The following FAF1 variants were observed in gnomAD, a reference collection of about 807,000 sequenced individuals.
FAF1 encodes the protein FAS-associated factor 1.
FAF1 carries 25 observed loss-of-function variants against 92.5 expected under a neutral mutation model. The observed-to-expected ratio is 0.27, with a 90% CI of 0.20 to 0.38. The LOEUF (loss-of-function observed/expected upper bound fraction) is 0.38, where lower values mean the gene tolerates loss of function less well. FAF1 is among the 10% of genes least tolerant of loss of function. The pLI is 1.00. For synonymous variants in FAF1, 234 were observed against 273.2 expected, an observed-to-expected ratio of 0.86 and a Z score of 1.42; for missense variants, 636 against 793.3, an observed-to-expected ratio of 0.80 and a Z score of 2.38.
chr1:50,614,264 G>T (rs1288634934), intron 8 of FAF1, among the ~76,000 whole-genome samples: 1 of 152,082 alleles, frequency 6.6e-6, no homozygotes, highest in Non-Finnish European at 1.5e-5. Flanking sequence ...ACTTATTTAC[G>T]TCAATGCCAC....
At chr1:50,773,568 C>T (rs1660846299) in intron 4 of FAF1, among the ~76,000 whole-genome samples, 1 of 152,100 alleles carries the variant, frequency 6.6e-6, no homozygotes, top group Admixed American at 6.5e-5. Flanking sequence ...TGAAATAAGA[C>T]AGGCACAGAA....
At chr1:50,741,951 G>T (rs763388330) in intron 5 of FAF1, among the ~76,000 whole-genome samples, 1 of 152,042 alleles carries the variant, frequency 6.6e-6, no homozygotes, top group Non-Finnish European at 1.5e-5. Context: ...ATATAAATTC[G>T]GAGGCAATCA....
chr1:50,801,627 A>G lies in FAF1; in HGVS notation c.161+4T>C, dbSNP rs921380110. ...TCTTAACTGGTAAGCACTTTATAAC[A>G]TACCTTTGTAGAATGCCATTTTCCT... On this transcript the variant is annotated splice_donor_region_variant and intron_variant, in intron 3 of 18. Coordinates refer to ENST00000396153, the MANE Select transcript of FAF1 (RefSeq NM_007051.3). 6.5e-7 allele frequency: 1 copy of G among 1,535,348 alleles called. No individual in the cohort carries two copies. Among genetic ancestry groups the G allele is most frequent in the Admixed American group, 1.7e-5 (1 of 59,896 alleles).
At chr1:50,860,276 G>C (rs1570063928) in intron 1 of FAF1, among the ~76,000 whole-genome samples, 1 of 152,016 alleles carries the variant, frequency 6.6e-6, no homozygotes, top group East Asian at 1.9e-4. Context: ...ATACTAAAGA[G>C]CTTCTGCACA....
At position 50,492,953 on chromosome 1, in the gene FAF1, T is replaced by A. The variant is rs375367365; in HGVS notation, c.1495-1152A>T. On this transcript the variant is annotated intron_variant, in intron 15 of 18. Coordinates refer to ENST00000396153, the MANE Select transcript of FAF1 (RefSeq NM_007051.3). The stretch of plus-strand genomic sequence containing the variant: ...TTAGATGTTGCTGGCCTGAAGGTAA[T>A]TGTTATACTACAAAATATGAAAAAT... Among the ~76,000 whole-genome samples, 26 of 152,304 alleles carry A rather than the reference T, an allele frequency of 1.7e-4. No individual in the cohort carries two copies. The South Asian group carries it at 4.3e-3, about 25-fold the overall frequency.
At chr1:50,638,709 G>A (rs1365061593) in intron 8 of FAF1, among the ~76,000 whole-genome samples, 1 of 152,100 alleles carries the variant, frequency 6.6e-6, no homozygotes, top group African/African-American at 2.4e-5. Flanking sequence ...TTCCCAAAGT[G>A]CTGGGATTAC....
intron 17 of FAF1, among the ~76,000 whole-genome samples, chr1:50,489,005 T>G (rs1395249557): frequency 6.6e-6 from 1 of 152,240 alleles, no homozygotes; most frequent in Non-Finnish European, 1.5e-5. Context: ...CAGTTAAGTT[T>G]CACTTATCTT....
Position 50,550,651 on chromosome 1 carries a change from C to G in FAF1, c.1269-10923G>C, listed in dbSNP as rs186755846. On this transcript the variant is annotated intron_variant, in intron 13 of 18. Transcript: ENST00000396153. The stretch of plus-strand genomic sequence containing the variant: ...GTATTTAAGGACCACATCACCTAAA[C>G]TCCCTAAAGAATTATCATTACTGAA... 3.6e-4 allele frequency among the ~76,000 whole-genome samples: 55 copies of G among 152,252 alleles called. 1 individual carries two copies. In the East Asian group the frequency reaches 6.9e-3, roughly 19 times the overall value.
chr1:50,872,931 C>T (rs1644540799), intron 1 of FAF1, among the ~76,000 whole-genome samples: 1 of 151,864 alleles, frequency 6.6e-6, no homozygotes, highest in African/African-American at 2.4e-5. Context: ...TCAAACAGCA[C>T]TGCATGCTAC....
chr1:50,819,869 T>G, intron 2 of FAF1, among the ~76,000 whole-genome samples: 1 of 144,748 alleles, frequency 6.9e-6, no homozygotes, highest in East Asian at 2.0e-4. Flanking sequence ...ACTAGGAAAT[T>G]TATTTATTTA....
intron 12 of FAF1, among the ~76,000 whole-genome samples, chr1:50,580,361 G>T (rs558653279): frequency 4.1e-4 from 62 of 151,782 alleles, no homozygotes; most frequent in African/African-American, 1.3e-3. Flanking sequence ...TTCAAATGCT[G>T]CTCTTTTGTC....
At chr1:50,809,356 T>G (rs904781112) in intron 2 of FAF1, among the ~76,000 whole-genome samples, 3 of 151,648 alleles carry the variant, frequency 2.0e-5, no homozygotes, top group African/African-American at 7.3e-5. Context: ...AAAACTGACA[T>G]AATAACTAGC....
chr1:50,719,324 C>G (rs1389273404), intron 6 of FAF1, among the ~76,000 whole-genome samples: 2 of 152,152 alleles, frequency 1.3e-5, no homozygotes, highest in African/African-American at 4.8e-5. Flanking sequence ...TCCAAGACAC[C>G]ATGTTATCAT....
intron 4 of FAF1, among the ~76,000 whole-genome samples, chr1:50,758,426 T>C (rs933188752): frequency 1.3e-5 from 2 of 152,258 alleles, no homozygotes; most frequent in African/African-American, 2.4e-5. Flanking sequence ...AGAATACTTC[T>C]AGTTCCCTTT....
chr1:50,532,456 T>C (rs1003557681), intron 15 of FAF1, among the ~76,000 whole-genome samples: 4 of 152,242 alleles, frequency 2.6e-5, no homozygotes, highest in African/African-American at 9.6e-5. Flanking sequence ...AGAATGTTTT[T>C]AGTGAATTAT....
intron 2 of FAF1, among the ~76,000 whole-genome samples, chr1:50,820,546 G>A (rs759982022): frequency 2.6e-5 from 4 of 152,010 alleles, no homozygotes; most frequent in African/African-American, 9.7e-5. Context: ...ATTTCGAGAC[G>A]TAAACAATAT....
chr1:50,441,345 T>A lies in FAF1; in HGVS notation c.*95A>T, dbSNP rs775773626. On this transcript the variant is annotated 3_prime_UTR_variant, in exon 19 of 19. Coordinates refer to ENST00000396153, the MANE Select transcript of FAF1 (RefSeq NM_007051.3). ...GGCAGAAGTGTGACATTGAATTGAG[T>A]GAGACGAGCGTGTGGGTGGGTTGGC... The A allele has an allele frequency of 9.4e-6, 6 of 635,982 alleles. No individual in the cohort carries two copies. The highest frequency in any genetic ancestry group is 1.9e-5 in the African/African-American group (1 of 53,500). The allele number at this position is 635,982 out of a possible 1,614,324, so 39.4% of individuals were successfully genotyped here.
chr1:50,657,651 A>G (rs17106350), intron 7 of FAF1, among the ~76,000 whole-genome samples: 1,901 of 152,366 alleles, frequency 0.012, 43 homozygotes, highest in African/African-American at 0.042. Flanking sequence ...AGCCTAAAGT[A>G]TCATGTTGTC....
intron 4 of FAF1, among the ~76,000 whole-genome samples, chr1:50,783,266 G>T (rs1461047651): frequency 1.3e-5 from 2 of 152,054 alleles, no homozygotes; most frequent in Non-Finnish European, 2.9e-5. Context: ...TAACATTAGG[G>T]CATGTTACCG....
Sources: gnomAD v4.1 joint callset for allele counts (sites outside exome capture counted in the v4.1 genomes callset) on GRCh38, gnomAD v4.1.1 for gene constraint, MANE v1.5 for transcripts, NCBI Gene and HGNC (gene_info 2026-07-23, HGNC 2026-07-21) for gene names.